The following PA2G4 variants were observed in gnomAD, a reference collection of about 807,000 sequenced individuals.
PA2G4 encodes the protein proliferation-associated 2G4.
Under a neutral mutation model 53.3 loss-of-function variants are expected in PA2G4, and 8 were observed. The ratio of observed to expected loss-of-function variants is 0.15; its 90% CI spans 0.09 to 0.27. PA2G4 has a LOEUF of 0.27. PA2G4 is among the 10% of genes least tolerant of loss of function. The pLI, the probability that PA2G4 is intolerant of heterozygous loss-of-function variation, is 1.00. For missense variants in PA2G4, 208 were observed against 486.8 expected, an observed-to-expected ratio of 0.43 and a Z score of 5.39; for synonymous variants, 143 against 169.8, an observed-to-expected ratio of 0.84 and a Z score of 1.23.
rs759873847 is a variant in PA2G4, at chr12:56,107,618, G to A, written c.486+5G>A. ...CTGGTCAAACCTGGAAATCAGGTAA[G>A]CTATTTTATCCAATTCCAAAGCTCG... On this transcript the variant is annotated splice_donor_5th_base_variant and intron_variant, in intron 5 of 12. Transcript: ENST00000303305. The A allele has an allele frequency of 6.2e-7, 1 of 1,607,136 alleles. No homozygotes were observed.
At chr12:56,108,932 C>A (rs1592235773) in intron 5 of PA2G4, among the ~76,000 whole-genome samples, 1 of 151,738 alleles carries the variant, frequency 6.6e-6, no homozygotes, top group Admixed American at 6.6e-5. Flanking sequence ...TCGAGACCAT[C>A]CTGGCCAACA....
chr12:56,106,497 G>A (rs1869304729), intron 1 of PA2G4, 91 bp from the exon 2 acceptor site: 1 of 1,379,164 alleles, frequency 7.3e-7, no homozygotes, highest in Non-Finnish European at 9.5e-7. Flanking sequence ...GAGTATTATG[G>A]AAACTCTTAA....
Position 56,104,560 on chromosome 12 carries a change from G to C in PA2G4, c.-178G>C. 2 of 737,878 alleles carry C rather than the reference G, an allele frequency of 2.7e-6. No homozygotes were observed. The highest frequency in any genetic ancestry group is 5.0e-6 in the Non-Finnish European group (2 of 399,034). The allele number at this position is 737,878 out of a possible 1,614,324, so 45.7% of individuals were successfully genotyped here. On this transcript the variant is annotated 5_prime_UTR_variant, in exon 1 of 13. Transcript: ENST00000303305. ...TTGTCCCAGCGTGCCCTGCGCCTCA[G>C]CCCGCGCGCTCGCAGCTTCTCGCTC...
rs944988130 is a variant in PA2G4 at position 56,112,994 on chromosome 12, C to T, written c.*106C>T. 2.2e-5 allele frequency: 15 copies of T among 696,602 alleles called. No homozygotes were observed. Among genetic ancestry groups the T allele is most frequent in the East Asian group, 3.1e-5 (1 of 32,570 alleles). The allele number at this position is 696,602 out of a possible 1,614,324, so 43.2% of individuals were successfully genotyped here. A position where few individuals can be genotyped will look rare whatever the true frequency, so the allele number is the denominator to read the frequency against. ...TCTCCACCTAGGACCGCCAGCAGAG[C>T]GGGGGGATCTCCCTGCCCCCACCCC... On this transcript the variant is annotated 3_prime_UTR_variant, in exon 13 of 13. Coordinates refer to ENST00000303305, the MANE Select transcript of PA2G4 (RefSeq NM_006191.3).
At chr12:56,111,944 G>A (rs564916625) in intron 12 of PA2G4, among the ~76,000 whole-genome samples, 16 of 151,814 alleles carry the variant, frequency 1.1e-4, no homozygotes, top group Admixed American at 3.3e-4. Context: ...GAGAAACCCC[G>A]TCTCTACTAA....
chr12:56,111,096 T>A, intron 10 of PA2G4, 38 bp downstream of exon 10: 3 of 1,612,522 alleles, frequency 1.9e-6, no homozygotes, highest in Non-Finnish European at 2.5e-6. Context: ...GATTCCCTGA[T>A]TATAAGATAT....
At chr12:56,109,629 C>CAAAAAA (rs34060703) in intron 6 of PA2G4, among the ~76,000 whole-genome samples, 1 of 84,848 alleles carries the variant, frequency 1.2e-5, no homozygotes. Context: ...TCCTCCATCT[C>CAAAAAA]AAAAAAAAAA....
chr12:56,108,032 A>AG (rs1279859058), intron 5 of PA2G4, among the ~76,000 whole-genome samples: 3 of 152,212 alleles, frequency 2.0e-5, no homozygotes, highest in African/African-American at 7.2e-5. Context: ...GTCTCACAAA[A>AG]GAAAAAGGAA....
rs1374116269 is a variant in PA2G4 at position 56,113,573 on chromosome 12, C to G, written c.*685C>G. The stretch of plus-strand genomic sequence containing the variant: ...AGAAATAATCCATCTCAACCTTACC[C>G]TTTTTCTCTGGAGTCAGTGGGGTCT... On this transcript the variant is annotated 3_prime_UTR_variant, in exon 13 of 13. Transcript: ENST00000303305. 10 of 429,558 alleles carry G rather than the reference C, an allele frequency of 2.3e-5. No homozygotes were observed. The highest frequency in any genetic ancestry group is 3.3e-5 in the Non-Finnish European group (8 of 243,686). The allele number at this position is 429,558 out of a possible 1,614,324, so 26.6% of individuals were successfully genotyped here.
rs1207313100 is a variant in PA2G4 at position 56,110,454 on chromosome 12, C to T, written c.685C>T (p.Leu229Phe). Residue 229 changes from leucine (L) to phenylalanine (F), a missense_variant, in exon 8 of 13, where the codon CTC becomes TTC. By Grantham distance (22) the Leu-to-Phe change is conservative. This residue lies in a region of PA2G4 where 143 missense variants were observed against 386.8 expected (regional missense o/e 0.37). Transcript: ENST00000303305. ...EVHEVYAVDV[L>F]VSSGEGKAKD... is the part of the protein sequence containing the mutation. ...ACATGAAGTATATGCTGTGGATGTT[C>T]TCGTCAGCTCAGGAGAGGGCAAGGT... 1 of 1,612,918 alleles carries T rather than the reference C, an allele frequency of 6.2e-7. No individual in the cohort carries two copies. Among genetic ancestry groups the T allele is most frequent in the Non-Finnish European group, 8.5e-7 (1 of 1,178,970 alleles).
intron 12 of PA2G4, among the ~76,000 whole-genome samples, chr12:56,112,570 C>T (rs1275657442): frequency 6.6e-6 from 1 of 152,012 alleles, no homozygotes; most frequent in African/African-American, 2.4e-5. Context: ...TCAGCCCGGG[C>T]AACATGGTGA....
In PA2G4 at chr12:56,107,685, TG is replaced by T; in HGVS notation, c.486+73del. The T allele has an allele frequency of 3.0e-6, 3 of 989,106 alleles. No individual in the cohort carries two copies. In the South Asian group the frequency reaches 3.9e-5, roughly 13 times the overall value. 61.3% of individuals were successfully genotyped at this position (989,106 alleles called of 1,614,324 possible). ...ATTAGGCACCTATAGCTACTCTATA[TG>T]AAACTACCAACCTCCCCTACAGACC... On this transcript the variant is annotated intron_variant, in intron 5 of 12. Transcript: ENST00000303305.
chr12:56,107,474 T>C (rs1869324987), intron 4 of PA2G4, 47 bp from the exon 5 acceptor site: 1 of 1,406,216 alleles, frequency 7.1e-7, no homozygotes, highest in African/African-American at 1.4e-5. Context: ...GCCAGCTGAG[T>C]TAACAGACTT....
At position 56,109,243 on chromosome 12, in the gene PA2G4, CAG is replaced by C; in HGVS notation, c.502_503del (p.Glu168SerfsTer10). On this transcript the variant is annotated frameshift_variant, in exon 6 of 13. Transcript: ENST00000303305. LOFTEE classifies it high-confidence loss of function. The stretch of plus-strand genomic sequence containing the variant: ...TTGTACTTCTAGAACACACAAGTGA[CAG>C]AAGCCTGGAACAAAGTTGCCCACTC... 1 of 1,610,792 alleles carries C rather than the reference CAG, an allele frequency of 6.2e-7. No individual in the cohort carries two copies. The highest frequency in any genetic ancestry group is 8.5e-7 in the Non-Finnish European group (1 of 1,177,934).
At chr12:56,107,331 C>T (rs1242317650) in intron 4 of PA2G4, 75 bp downstream of exon 4, 2 of 1,177,168 alleles carry the variant, frequency 1.7e-6, no homozygotes, top group Non-Finnish European at 2.6e-6. Context: ...CTTATCCCCA[C>T]CCCCAATCAC....
At chr12:56,108,590 G>C (rs1418914858) in intron 5 of PA2G4, among the ~76,000 whole-genome samples, 1 of 152,154 alleles carries the variant, frequency 6.6e-6, no homozygotes, top group Non-Finnish European at 1.5e-5. Flanking sequence ...CCAACTGTAG[G>C]ATAATGTTTT....
chr12:56,106,511 C>A, intron 1 of PA2G4, 77 bp from the exon 2 acceptor site: 1 of 1,413,658 alleles, frequency 7.1e-7, no homozygotes, highest in Non-Finnish European at 9.3e-7. Context: ...CTCTTAAATT[C>A]AACTTCCAGG....
At chr12:56,111,140 A>C in intron 10 of PA2G4, 42 bp from the exon 11 acceptor site, 1 of 1,614,132 alleles carries the variant, frequency 6.2e-7, no homozygotes, top group Non-Finnish European at 8.5e-7. Context: ...TAAGTATGAC[A>C]AAGGAACTTT....
At chr12:56,107,345 G>C in intron 4 of PA2G4, 89 bp downstream of exon 4, 1 of 1,145,258 alleles carries the variant, frequency 8.7e-7, no homozygotes, top group Non-Finnish European at 1.3e-6. Flanking sequence ...CAATCACCAC[G>C]TAAGTTGAGA....
Sources: allele counts gnomAD v4.1 joint callset (sites outside exome capture counted in the v4.1 genomes callset), GRCh38; gene constraint gnomAD v4.1.1; regional missense constraint gnomAD v4.1.1; transcripts MANE v1.5; gene names NCBI Gene and HGNC (gene_info 2026-07-23, HGNC 2026-07-21).